Variants in WWP1 observed in about 807,000 individuals in gnomAD.
The protein encoded by WWP1 is NEDD4-like E3 ubiquitin-protein ligase WWP1.
In WWP1, 49 loss-of-function variants were observed where a neutral mutation model predicts 130.6. The observed-to-expected ratio is 0.38, with a 90% CI of 0.30 to 0.48. WWP1 has a LOEUF of 0.48. Among genes scored for constraint, WWP1 ranks in the 20% least tolerant of loss-of-function variants. The pLI is 0.99. For missense variants in WWP1, 809 were observed against 1,100.6 expected (o/e 0.74, Z 3.75); for synonymous variants, 332 against 367.8 (o/e 0.90, Z 1.11).
At chr8:86,357,427 T>C (rs1823326037) in intron 1 of WWP1, among the ~76,000 whole-genome samples, 1 of 152,222 alleles carries the variant, frequency 6.6e-6, no homozygotes, top group Non-Finnish European at 1.5e-5. Context: ...ATGAAAAGTA[T>C]GATGGTTCAT....
chr8:86,463,991 G>A (rs1001857152), intron 24 of WWP1, among the ~76,000 whole-genome samples: 17 of 152,082 alleles, frequency 1.1e-4, no homozygotes, highest in African/African-American at 3.6e-4. Flanking sequence ...AGCCGGGGAA[G>A]TCAAGGCTGC....
intron 10 of WWP1, among the ~76,000 whole-genome samples, chr8:86,426,562 A>G (rs542185717): frequency 6.6e-6 from 1 of 152,304 alleles, no homozygotes; most frequent in African/African-American, 2.4e-5. Flanking sequence ...AAATTCACTC[A>G]TGACACCCTT....
At chr8:86,412,819 T>C (rs1488377260) in intron 9 of WWP1, among the ~76,000 whole-genome samples, 1 of 151,972 alleles carries the variant, frequency 6.6e-6, no homozygotes, top group Non-Finnish European at 1.5e-5. Context: ...CCCCAGTAGA[T>C]CTAGCACTCT....
At chr8:86,357,640 A>T (rs1205854027) in intron 1 of WWP1, among the ~76,000 whole-genome samples, 1 of 152,214 alleles carries the variant, frequency 6.6e-6, no homozygotes, top group African/African-American at 2.4e-5. Context: ...ATTCAGTGAG[A>T]TAAATAAAGC....
intron 7 of WWP1, among the ~76,000 whole-genome samples, chr8:86,399,598 T>C (rs1307607023): frequency 6.6e-6 from 1 of 152,214 alleles, no homozygotes; most frequent in East Asian, 1.9e-4. Flanking sequence ...CTTGAACAGA[T>C]AAGTATGCCT....
chr8:86,398,834 A>C (rs1807817842), intron 7 of WWP1, among the ~76,000 whole-genome samples, 196 bp downstream of exon 7: 1 of 152,206 alleles, frequency 6.6e-6, no homozygotes, highest in South Asian at 2.1e-4. Flanking sequence ...TACATATATC[A>C]TGAAATTCAC....
At chr8:86,389,413 C>A (rs539099178) in intron 5 of WWP1, among the ~76,000 whole-genome samples, 1 of 152,260 alleles carries the variant, frequency 6.6e-6, no homozygotes, top group East Asian at 1.9e-4. Context: ...CTTGCACCCC[C>A]CTTAATCCAT....
chr8:86,453,166 A>G (rs967305523), intron 21 of WWP1, among the ~76,000 whole-genome samples: 9 of 152,130 alleles, frequency 5.9e-5, no homozygotes, highest in Admixed American at 5.2e-4. Context: ...CATCCTGCAA[A>G]ACTGAAACTC....
chr8:86,347,656 G>A (rs962422737), intron 1 of WWP1, among the ~76,000 whole-genome samples: 1 of 152,184 alleles, frequency 6.6e-6, no homozygotes, highest in Non-Finnish European at 1.5e-5. Flanking sequence ...CTCCTGTCAA[G>A]GATAAAGCAA....
At chr8:86,456,059 TG>T (rs1180491861) in intron 21 of WWP1, among the ~76,000 whole-genome samples, 1 of 151,958 alleles carries the variant, frequency 6.6e-6, no homozygotes, top group Non-Finnish European at 1.5e-5. Flanking sequence ...GATATCCATA[TG>T]GAAGAAAATT....
intron 9 of WWP1, among the ~76,000 whole-genome samples, chr8:86,420,290 AT>A (rs1234302515): frequency 6.6e-6 from 1 of 152,230 alleles, no homozygotes; most frequent in South Asian, 2.1e-4. Flanking sequence ...TTAAGAGGAG[AT>A]TTATGCAACT....
At chr8:86,421,925 G>A (rs1316672229) in intron 9 of WWP1, among the ~76,000 whole-genome samples, 1 of 152,176 alleles carries the variant, frequency 6.6e-6, no homozygotes, top group Non-Finnish European at 1.5e-5. Flanking sequence ...GGGGAAGGGA[G>A]GTAGAAGGAA....
At chr8:86,387,577 G>A (rs1206743447) in intron 5 of WWP1, among the ~76,000 whole-genome samples, 4 of 152,128 alleles carry the variant, frequency 2.6e-5, no homozygotes, top group Admixed American at 2.6e-4. Context: ...CAGGGGTGCA[G>A]TCTCGGCTCA....
At chr8:86,389,488 A>T (rs544539741) in intron 5 of WWP1, among the ~76,000 whole-genome samples, 1 of 152,364 alleles carries the variant, frequency 6.6e-6, no homozygotes, top group Non-Finnish European at 1.5e-5. Context: ...GTTATAGATT[A>T]ACAGCATCCC....
chr8:86,372,057 T>C (rs1014172740), intron 2 of WWP1, among the ~76,000 whole-genome samples: 1 of 129,382 alleles, frequency 7.7e-6, no homozygotes, highest in African/African-American at 3.1e-5. Context: ...GGAGTTTCGC[T>C]CTGTCGCCCA....
intron 9 of WWP1, among the ~76,000 whole-genome samples, chr8:86,415,221 G>GT (rs1255998389): frequency 3.3e-5 from 5 of 152,244 alleles, no homozygotes; most frequent in South Asian, 4.1e-4. Context: ...TTCCAGAGGT[G>GT]TTTTTTGAGT....
intron 24 of WWP1, among the ~76,000 whole-genome samples, chr8:86,465,814 G>C (rs1812066883): frequency 6.6e-6 from 1 of 152,142 alleles, no homozygotes; most frequent in Non-Finnish European, 1.5e-5. Flanking sequence ...GCAGTATATG[G>C]TCTGCTTAGT....
intron 8 of WWP1, 31 bp downstream of exon 8, chr8:86,402,234 A>C (rs999345168): frequency 1.3e-5 from 21 of 1,602,266 alleles, no homozygotes; most frequent in Non-Finnish European, 1.8e-5. Context: ...CACCTTGTTT[A>C]AAGGAAAAGT....
chr8:86,410,515 AT>A (rs1808522209), intron 8 of WWP1, among the ~76,000 whole-genome samples: 3 of 152,118 alleles, frequency 2.0e-5, no homozygotes, highest in South Asian at 4.1e-4. Context: ...GAGTAAAAAA[AT>A]CATATGCATT....
Sources: gnomAD v4.1 joint callset for allele counts (sites outside exome capture counted in the v4.1 genomes callset) on GRCh38, gnomAD v4.1.1 for gene constraint, MANE v1.5 for transcripts, NCBI Gene and HGNC (gene_info 2026-07-23, HGNC 2026-07-21) for gene names.